The following WWOX variants were observed in gnomAD, a reference collection of about 807,000 sequenced individuals.
WWOX encodes WW domain containing oxidoreductase.
WWOX carries 69 observed loss-of-function variants against 46.2 expected under a neutral mutation model. The ratio of observed to expected loss-of-function variants is 1.49; its 90% confidence interval spans 1.23 to 1.82. The LOEUF is 1.82. Ranked by LOEUF, WWOX falls within the 40% of genes most tolerant of loss-of-function variation. The pLI is 0.00. For synonymous variants in WWOX, 359 were observed against 202.6 expected (o/e 1.77, Z -6.56); for missense variants, 919 against 542.6 (o/e 1.69, Z -6.89).
At chr16:78,156,944 G>A (rs2034627332) in intron 4 of WWOX, among the ~76,000 whole-genome samples, 1 of 152,144 alleles carries the variant, frequency 6.6e-6, no homozygotes, top group Non-Finnish European at 1.5e-5. Flanking sequence ...CAGTCAATCA[G>A]TCAATCAATC....
intron 8 of WWOX, among the ~76,000 whole-genome samples, chr16:78,988,630 AG>A (rs1486438486): frequency 6.6e-6 from 1 of 152,306 alleles, no homozygotes; most frequent in East Asian, 1.9e-4. Flanking sequence ...AGATGGCAAA[AG>A]GAAGTTACTG....
intron 8 of WWOX, among the ~76,000 whole-genome samples, chr16:78,687,046 C>A (rs1460916795): frequency 6.6e-6 from 1 of 152,158 alleles, no homozygotes; most frequent in East Asian, 1.9e-4. Context: ...GAGTAGGGAT[C>A]ATTAAGGAGT....
intron 8 of WWOX, among the ~76,000 whole-genome samples, chr16:78,782,895 G>A (rs16948463): frequency 0.041 from 6,314 of 152,204 alleles, 467 homozygotes; most frequent in African/African-American, 0.15. Context: ...CTCTCAGAAT[G>A]TATTGTTTTA....
intron 6 of WWOX, among the ~76,000 whole-genome samples, chr16:78,393,926 A>T (rs62034090): frequency 0.056 from 8,465 of 152,230 alleles, 313 homozygotes; most frequent in Middle Eastern, 0.12. Flanking sequence ...AAAATCTTTA[A>T]CAAGTTTATT....
intron 8 of WWOX, among the ~76,000 whole-genome samples, chr16:78,611,494 C>T (rs1420986999): frequency 6.6e-6 from 1 of 152,182 alleles, no homozygotes; most frequent in African/African-American, 2.4e-5. Context: ...GGAGGCCTCC[C>T]TGCCCTCCTC....
At chr16:78,572,464 T>G (rs80045048) in intron 8 of WWOX, among the ~76,000 whole-genome samples, 7,090 of 151,684 alleles carry the variant, frequency 0.047, 197 homozygotes, top group African/African-American at 0.07. Context: ...TGTGGTATCA[T>G]GTGTCTGTGG....
rs73570421 is a variant in WWOX, at chr16:78,217,801, C to G, written c.516+53512C>G. Among the ~76,000 whole-genome samples, 22 of 152,002 alleles carry G rather than the reference C, an allele frequency of 1.4e-4. No homozygotes were observed. The South Asian group carries it at 3.1e-3, about 22-fold the overall frequency. The stretch of plus-strand genomic sequence containing the variant: ...TAAATAATTCTGTGTGCTGTGCAGG[C>G]CGTGGAGACTCATCTTCTGCACAGG... On this transcript the variant is annotated intron_variant, in intron 5 of 8. Coordinates refer to ENST00000566780, the MANE Select transcript of WWOX (RefSeq NM_016373.4).
chr16:78,792,737 G>C (rs1447525682), intron 8 of WWOX, among the ~76,000 whole-genome samples: 2 of 152,152 alleles, frequency 1.3e-5, no homozygotes, highest in African/African-American at 4.8e-5. Flanking sequence ...ATCTTAAGAT[G>C]AGGGTTAGCC....
Position 79,198,107 on chromosome 16 carries a change from C to T in WWOX, c.1057-13501C>T, listed in dbSNP as rs186776017. Among the ~76,000 whole-genome samples the T allele has an allele frequency of 2.0e-5, 3 of 151,678 alleles. No homozygotes were observed. The East Asian group carries it at 5.8e-4, about 30-fold the overall frequency. ...GGGGAGGCCAAGACAGGTGGATCACCTGAGGACAGGAGTTGGAGACCAGCC... is the reference window on the plus strand; with the variant it reads ...GGGGAGGCCAAGACAGGTGGATCACTTGAGGACAGGAGTTGGAGACCAGCC... On this transcript the variant is annotated intron_variant, in intron 8 of 8. Coordinates refer to ENST00000566780, the MANE Select transcript of WWOX (RefSeq NM_016373.4).
intron 8 of WWOX, among the ~76,000 whole-genome samples, chr16:78,923,333 C>T (rs965648300): frequency 6.6e-6 from 1 of 152,054 alleles, no homozygotes; most frequent in South Asian, 2.1e-4. Flanking sequence ...CTTAATTTCA[C>T]CAGAATATCA....
At chr16:78,537,607 G>A (rs1401325290) in intron 8 of WWOX, among the ~76,000 whole-genome samples, 1 of 152,090 alleles carries the variant, frequency 6.6e-6, no homozygotes, top group African/African-American at 2.4e-5. Flanking sequence ...TCTGTGAAAA[G>A]TCATACAGAT....
At chr16:78,550,514 G>A (rs1203649196) in intron 8 of WWOX, among the ~76,000 whole-genome samples, 1 of 152,198 alleles carries the variant, frequency 6.6e-6, no homozygotes, top group Non-Finnish European at 1.5e-5. Flanking sequence ...TTGTCTGGGA[G>A]ACATAATTTC....
chr16:78,191,792 C>G (rs184771373), intron 5 of WWOX, among the ~76,000 whole-genome samples: 2 of 152,254 alleles, frequency 1.3e-5, no homozygotes, highest in East Asian at 1.9e-4. Context: ...GAAAAATGAA[C>G]TGGAATAATT....
At chr16:78,443,427 C>G (rs183785202) in intron 8 of WWOX, among the ~76,000 whole-genome samples, 10 of 152,310 alleles carry the variant, frequency 6.6e-5, no homozygotes, top group Non-Finnish European at 1.3e-4. Context: ...CTCCAGTTGC[C>G]TGTTTTACTG....
At chr16:78,377,586 T>G (rs1391325414) in intron 5 of WWOX, among the ~76,000 whole-genome samples, 3 of 152,226 alleles carry the variant, frequency 2.0e-5, no homozygotes, top group Non-Finnish European at 2.9e-5. Context: ...CACAATCATG[T>G]TGACTGCCAA....
intron 8 of WWOX, among the ~76,000 whole-genome samples, chr16:78,949,985 C>G (rs548651453): frequency 1.3e-5 from 2 of 152,264 alleles, no homozygotes; most frequent in East Asian, 3.9e-4. Flanking sequence ...TATAATACTC[C>G]CATTTGACAG....
In WWOX at chr16:78,469,280, T is replaced by C. The variant is rs185585599; in HGVS notation, c.1056+36528T>C. 2.0e-5 allele frequency among the ~76,000 whole-genome samples: 3 copies of C among 152,312 alleles called. No homozygotes were observed. The East Asian group carries it at 5.8e-4, about 29-fold the overall frequency. On this transcript the variant is annotated intron_variant, in intron 8 of 8. Coordinates refer to ENST00000566780, the MANE Select transcript of WWOX (RefSeq NM_016373.4). ...GTAAAATATTTAAGAACTGGTACTA[T>C]GAAGACATTTCCCTTATGCAATTTG...
At chr16:79,095,850 C>G (rs1364517346) in intron 8 of WWOX, among the ~76,000 whole-genome samples, 1 of 142,180 alleles carries the variant, frequency 7.0e-6, no homozygotes, top group African/African-American at 2.8e-5. Context: ...CTGCTCAATT[C>G]TCTCTCTCTC....
In WWOX at chr16:78,153,215, A is replaced by G. The variant is rs74709974; in HGVS notation, c.410-10968A>G. Among the ~76,000 whole-genome samples the G allele has an allele frequency of 2.0e-3, 306 of 152,278 alleles. 6 individuals are homozygous for G. The East Asian group carries it at 0.053, about 26-fold the overall frequency. On this transcript the variant is annotated intron_variant, in intron 4 of 8. Transcript: ENST00000566780. The stretch of plus-strand genomic sequence containing the variant: ...AAACAGAGGTATGGATTAGCTAGTC[A>G]TTGCAGATGTGGCATTGAGCATATA...
Sources: gnomAD v4.1 joint callset for allele counts (sites outside exome capture counted in the v4.1 genomes callset) on GRCh38, gnomAD v4.1.1 for gene constraint, MANE v1.5 for transcripts, NCBI Gene and HGNC (gene_info 2026-07-23, HGNC 2026-07-21) for gene names.